Variants in CDK5RAP2 observed in about 807,000 individuals in gnomAD.
CDK5RAP2 encodes the protein CDK5 regulatory subunit associated protein 2.
Under a neutral mutation model 232.9 loss-of-function variants are expected in CDK5RAP2, and 147 were observed. The observed-to-expected ratio is 0.63, with a 90% confidence interval of 0.55 to 0.72. The LOEUF is 0.72. Among genes scored for constraint, CDK5RAP2 ranks in the 30% least tolerant of loss-of-function variants. The pLI, the probability that CDK5RAP2 is intolerant of heterozygous loss-of-function variation, is 0.00. For missense variants in CDK5RAP2, 2,195 were observed against 2,231.5 expected (o/e 0.98, Z 0.33); for synonymous variants, 833 against 833.7 (o/e 1.00, Z 0.01).
At chr9:120,563,584 G>A (rs1373062432) in intron 3 of CDK5RAP2, among the ~76,000 whole-genome samples, 3 of 152,172 alleles carry the variant, frequency 2.0e-5, no homozygotes, top group Non-Finnish European at 4.4e-5. Context: ...CTGAAGGAAA[G>A]ATAGTAGTAG....
intron 4 of CDK5RAP2, among the ~76,000 whole-genome samples, chr9:120,546,083 A>C (rs1262734218): frequency 6.6e-6 from 1 of 152,234 alleles, no homozygotes; most frequent in Non-Finnish European, 1.5e-5. Flanking sequence ...TCATACAAGG[A>C]AGGCTGATTT....
In CDK5RAP2 at chr9:120,404,082, AT is replaced by A; in HGVS notation, c.4994del (p.Asn1665IlefsTer12). On this transcript the variant is annotated frameshift_variant, in exon 33 of 38. Transcript: ENST00000349780. LOFTEE classifies it high-confidence loss of function. Reference sequence around the variant, plus strand: ...GGGAGGAATCAAACAGATCAAATGAATTATCACTTTCCATGGGATATTTGTC... The same window carrying A: ...GGGAGGAATCAAACAGATCAAATGAATATCACTTTCCATGGGATATTTGTC... ...DGDKYPMESD[N>X]SFDLFDSSQA... is the part of the protein sequence containing the mutation. 6.2e-7 allele frequency: 1 copy of A among 1,613,604 alleles called. No individual in the cohort carries two copies. The highest frequency in any genetic ancestry group is 8.5e-7 in the Non-Finnish European group (1 of 1,179,472).
intron 12 of CDK5RAP2, among the ~76,000 whole-genome samples, chr9:120,508,352 T>C (rs969470110): frequency 5.9e-5 from 9 of 152,182 alleles, no homozygotes; most frequent in Admixed American, 5.2e-4. Context: ...CCAGGCCTCC[T>C]ACCTCACTTC....
chr9:120,457,445 C>A (rs975034149), intron 20 of CDK5RAP2, among the ~76,000 whole-genome samples: 2 of 152,206 alleles, frequency 1.3e-5, no homozygotes, highest in Non-Finnish European at 2.9e-5. Flanking sequence ...TTCTCAAGCA[C>A]CAACTACTAC....
At chr9:120,533,842 T>C (rs12115579) in intron 7 of CDK5RAP2, among the ~76,000 whole-genome samples, 1,949 of 147,790 alleles carry the variant, frequency 0.013, 45 homozygotes, top group African/African-American at 0.045. Context: ...CAAGGGTGTG[T>C]CACTGTAGCT....
intron 3 of CDK5RAP2, among the ~76,000 whole-genome samples, chr9:120,562,038 C>A (rs2042481236): frequency 6.6e-6 from 1 of 152,196 alleles, no homozygotes; most frequent in African/African-American, 2.4e-5. Context: ...GAAATATCCT[C>A]AACACACGCT....
chr9:120,487,477 G>A, intron 13 of CDK5RAP2, 40 bp from the exon 14 acceptor site: 10 of 1,482,508 alleles, frequency 6.7e-6, no homozygotes, highest in Admixed American at 6.3e-5. Flanking sequence ...TTGTCATCAA[G>A]AAAAAAAATA....
chr9:120,414,092 C>T (rs189920540), intron 28 of CDK5RAP2, among the ~76,000 whole-genome samples: 47 of 152,244 alleles, frequency 3.1e-4, no homozygotes, highest in Admixed American at 1.7e-3. Context: ...AGCTTTGCAA[C>T]GTTATACAGA....
At chr9:120,519,865 A>T (rs534738009) in intron 11 of CDK5RAP2, among the ~76,000 whole-genome samples, 1 of 152,268 alleles carries the variant, frequency 6.6e-6, no homozygotes, top group South Asian at 2.1e-4. Context: ...GATATATCTA[A>T]GCACTTACAA....
chr9:120,514,380 A>G (rs2040229246), intron 12 of CDK5RAP2, among the ~76,000 whole-genome samples: 1 of 152,106 alleles, frequency 6.6e-6, no homozygotes, highest in South Asian at 2.1e-4. Flanking sequence ...ACGCACACAC[A>G]CACACACCCT....
In CDK5RAP2 at chr9:120,448,145, A is replaced by C. The variant is rs1302106169; in HGVS notation, c.2794-19T>G. 1 of 1,550,012 alleles carries C rather than the reference A, an allele frequency of 6.5e-7. No homozygotes were observed. The highest frequency in any genetic ancestry group is 1.7e-5 in the Admixed American group (1 of 59,966). On this transcript the variant is annotated intron_variant, in intron 21 of 37. Coordinates refer to ENST00000349780, the MANE Select transcript of CDK5RAP2 (RefSeq NM_018249.6). Reference sequence around the variant, plus strand: ...TAGCCTCCTGAAAACACACATATGCAACAATGAATACACTTTGAACACACT... The same window carrying C: ...TAGCCTCCTGAAAACACACATATGCCACAATGAATACACTTTGAACACACT...
At chr9:120,565,977 G>A (rs1007111865) in intron 3 of CDK5RAP2, among the ~76,000 whole-genome samples, 2 of 152,170 alleles carry the variant, frequency 1.3e-5, no homozygotes, top group African/African-American at 4.8e-5. Context: ...TTATTAAATG[G>A]ATGAACTCTG....
intron 20 of CDK5RAP2, among the ~76,000 whole-genome samples, chr9:120,456,712 A>G (rs973139568): frequency 1.9e-4 from 29 of 152,220 alleles, no homozygotes; most frequent in African/African-American, 7.0e-4. Flanking sequence ...CCTCTTTAAC[A>G]TAGATTAAAA....
chr9:120,441,702 G>T (rs1473580959), intron 23 of CDK5RAP2, among the ~76,000 whole-genome samples: 1 of 152,180 alleles, frequency 6.6e-6, no homozygotes, highest in East Asian at 1.9e-4. Context: ...GTACACTCTT[G>T]TATCTGTTCA....
At chr9:120,431,026 A>G (rs1000594976) in intron 25 of CDK5RAP2, among the ~76,000 whole-genome samples, 1 of 151,846 alleles carries the variant, frequency 6.6e-6, no homozygotes, top group Non-Finnish European at 1.5e-5. Context: ...AAAACCAAAC[A>G]CCGCATGTTC....
chr9:120,394,443 AG>A (rs2032277552), intron 36 of CDK5RAP2, 68 bp downstream of exon 36: 1 of 1,611,416 alleles, frequency 6.2e-7, no homozygotes, highest in East Asian at 2.2e-5. Flanking sequence ...TGGGTAATCC[AG>A]GGCAGAACTG....
intron 25 of CDK5RAP2, 128 bp downstream of exon 25, chr9:120,437,167 C>T (rs1050162699): frequency 3.5e-5 from 26 of 733,924 alleles, no homozygotes; most frequent in Non-Finnish European, 5.4e-5. Context: ...TGTGGTTCTG[C>T]TGTCACCTCA....
chr9:120,548,824 A>T (rs2041947519), intron 4 of CDK5RAP2, among the ~76,000 whole-genome samples: 1 of 152,238 alleles, frequency 6.6e-6, no homozygotes, highest in South Asian at 2.1e-4. Context: ...AACAAAAAGA[A>T]TAAAGAAATT....
Position 120,411,421 on chromosome 9 carries a change from C to G in CDK5RAP2, c.4351G>C (p.Glu1451Gln). The G allele has an allele frequency of 6.2e-7, 1 of 1,613,694 alleles. No individual in the cohort carries two copies. Among genetic ancestry groups the G allele is most frequent in the Non-Finnish European group, 8.5e-7 (1 of 1,179,632 alleles). Residue 1451 changes from glutamate to glutamine, a missense_variant, in exon 29 of 38, where the codon GAA becomes CAA. Coordinates refer to ENST00000349780, the MANE Select transcript of CDK5RAP2 (RefSeq NM_018249.6). The part of the protein sequence containing the change: ...GSELHSSLTS[E>Q]IHFLRKQNQA... ...TTCTGCTTCCTCAAGAAATGAATTT[C>G]TGATGTTAGAGAACTATGAAGCTCT...
Sources: allele counts gnomAD v4.1 joint callset (sites outside exome capture counted in the v4.1 genomes callset), GRCh38; gene constraint gnomAD v4.1.1; transcripts MANE v1.5; gene names NCBI Gene and HGNC (gene_info 2026-07-23, HGNC 2026-07-21).